MAD1L1: variants seen among roughly 807,000 people sequenced by gnomAD.
MAD1L1 encodes the protein mitotic arrest deficient 1 like 1, also known as mitotic spindle assembly checkpoint protein MAD1.
Under a neutral mutation model 96.9 loss-of-function variants are expected in MAD1L1, and 95 were observed. The ratio of observed to expected loss-of-function variants is 0.98; its 90% CI spans 0.83 to 1.16. The LOEUF is 1.16. Among genes scored for constraint, MAD1L1 ranks in the 50% most tolerant of loss-of-function variants. MAD1L1 has a pLI of 0.00. For synonymous variants in MAD1L1, 473 were observed against 396.6 expected (o/e 1.19, Z -2.29); for missense variants, 1,007 against 954.4 (o/e 1.06, Z -0.73).
intron 17 of MAD1L1, among the ~76,000 whole-genome samples, chr7:1,907,930 C>T (rs573847636): frequency 7.2e-5 from 11 of 152,284 alleles, no homozygotes; most frequent in Middle Eastern, 6.8e-3. Context: ...ACAGGGTGAC[C>T]GCCCTGGCCC....
At chr7:1,817,741 T>C (rs1254753069) in intron 18 of MAD1L1, among the ~76,000 whole-genome samples, 1 of 152,116 alleles carries the variant, frequency 6.6e-6, no homozygotes, top group Non-Finnish European at 1.5e-5. Context: ...GAAACCGTTT[T>C]GGAAAGCGCT....
intron 18 of MAD1L1, among the ~76,000 whole-genome samples, chr7:1,864,317 T>C (rs770750783): frequency 1.3e-5 from 2 of 152,082 alleles, no homozygotes; most frequent in East Asian, 1.9e-4. Context: ...ACTGGCTCCC[T>C]GCAGGGCAGA....
In MAD1L1 at chr7:2,215,884, C is replaced by T. The variant is rs371542675; in HGVS notation, c.924+1G>A. The T allele has an allele frequency of 3.7e-6, 6 of 1,614,150 alleles. No homozygotes were observed. The highest frequency in any genetic ancestry group is 5.1e-6 in the Non-Finnish European group (6 of 1,179,994). ...GAACCGCACACCACACAGGCCCTCA[C>T]CTCGTTCTCCAGCTCCAAGCCAACC... is the stretch of plus-strand genomic sequence containing the variant. On this transcript the variant is annotated splice_donor_variant, in intron 9 of 18. Transcript: ENST00000265854. LOFTEE classifies it high-confidence loss of function.
intron 12 of MAD1L1, among the ~76,000 whole-genome samples, chr7:2,056,287 G>A (rs142324337): frequency 2.2e-4 from 34 of 152,324 alleles, no homozygotes; most frequent in African/African-American, 7.0e-4. Flanking sequence ...AAGAGAAATC[G>A]TGCCGATCAT....
intron 14 of MAD1L1, among the ~76,000 whole-genome samples, chr7:1,989,766 T>C (rs945157339): frequency 7.2e-5 from 11 of 152,130 alleles, no homozygotes; most frequent in Non-Finnish European, 1.6e-4. Flanking sequence ...TGGCCCGGCT[T>C]CGGCATGGCC....
At chr7:1,914,296 C>G (rs1275503465) in intron 17 of MAD1L1, among the ~76,000 whole-genome samples, 3 of 152,236 alleles carry the variant, frequency 2.0e-5, no homozygotes, top group African/African-American at 7.2e-5. Context: ...TGGGAAGGGA[C>G]TCTGCAGATG....
intron 3 of MAD1L1, among the ~76,000 whole-genome samples, chr7:2,229,441 A>C (rs1488045524): frequency 1.3e-5 from 2 of 152,216 alleles, no homozygotes. Context: ...AACCCCAAGA[A>C]CTTGTAATGA....
chr7:2,016,088 G>C (rs1331306688), intron 12 of MAD1L1, among the ~76,000 whole-genome samples: 2 of 152,146 alleles, frequency 1.3e-5, no homozygotes, highest in Non-Finnish European at 2.9e-5. Flanking sequence ...AAATGGGGTG[G>C]CCATGAAGAC....
intron 13 of MAD1L1, among the ~76,000 whole-genome samples, chr7:2,014,284 C>A (rs1782431281): frequency 6.6e-6 from 1 of 152,212 alleles, no homozygotes; most frequent in Non-Finnish European, 1.5e-5. Flanking sequence ...ACCTGAGACA[C>A]CCTGACAGCG....
At chr7:2,074,136 G>A (rs530466866) in intron 11 of MAD1L1, among the ~76,000 whole-genome samples, 21 of 152,270 alleles carry the variant, frequency 1.4e-4, no homozygotes, top group African/African-American at 4.8e-4. Context: ...GGGTGAGGAC[G>A]GCCACATGCC....
intron 18 of MAD1L1, among the ~76,000 whole-genome samples, chr7:1,819,661 C>G (rs1303008334): frequency 6.6e-6 from 1 of 152,174 alleles, no homozygotes; most frequent in African/African-American, 2.4e-5. Context: ...TCCCCTGAGC[C>G]GAGCCCCATG....
In MAD1L1 at chr7:1,912,253, G is replaced by T. The variant is rs1645888945; in HGVS notation, c.1808-13863C>A. Among the ~76,000 whole-genome samples, 2 of 152,366 alleles carry T rather than the reference G, an allele frequency of 1.3e-5. 1 individual carries two copies. The highest frequency in any genetic ancestry group is 2.9e-5 in the Non-Finnish European group (2 of 68,040). On this transcript the variant is annotated intron_variant, in intron 17 of 18. Coordinates refer to ENST00000265854, the MANE Select transcript of MAD1L1 (RefSeq NM_001013836.2). ...GGCCAGCCCTGTCGACTGGATGAAG[G>T]ATGGCCATCTGAGAGACAGACAGCA...
chr7:2,014,594 T>A lies in MAD1L1; in HGVS notation c.1267A>T (p.Thr423Ser). The A allele has an allele frequency of 6.2e-7, 1 of 1,612,088 alleles. No homozygotes were observed. The highest frequency in any genetic ancestry group is 8.5e-7 in the Non-Finnish European group (1 of 1,179,668). ...AILGSYDSELTPAEYSPQLTR... is the reference protein window; with the variant it reads ...AILGSYDSELSPAEYSPQLTR... ...AGCTGGGGTGAGTACTCGGCCGGGG[T>A]CAGCTCGCTGTCGTAGGACCCCAGG... Residue 423 changes from threonine (T) to serine (S), a missense_variant, in exon 13 of 19, where the codon ACC becomes TCC. Transcript: ENST00000265854.
At chr7:2,190,151 A>G (rs1410167776) in intron 10 of MAD1L1, among the ~76,000 whole-genome samples, 5 of 152,250 alleles carry the variant, frequency 3.3e-5, no homozygotes, top group Admixed American at 2.0e-4. Context: ...ATGTTCTTTC[A>G]AAGAGTATTA....
chr7:1,952,570 G>T (rs879905430), intron 16 of MAD1L1, among the ~76,000 whole-genome samples: 2 of 58,438 alleles, frequency 3.4e-5, no homozygotes, highest in Non-Finnish European at 1.0e-4. Context: ...TTAGAGCAGC[G>T]CCTGGCACAG....
At chr7:2,155,182 G>C (rs892198343) in intron 10 of MAD1L1, among the ~76,000 whole-genome samples, 12 of 151,996 alleles carry the variant, frequency 7.9e-5, no homozygotes, top group African/African-American at 2.7e-4. Flanking sequence ...AGCAAAGGGG[G>C]GTCCTCAGGC....
rs975563555 is a variant in MAD1L1 at position 2,047,244 on chromosome 7, G to T, written c.1218+21950C>A. On this transcript the variant is annotated intron_variant, in intron 12 of 18. Transcript: ENST00000265854. ...GGAAAGGGACCCTGAGACACCGCTT[G>T]CTCTGAGCCGCAGCTGCGTAACAAG... 1.7e-4 allele frequency among the ~76,000 whole-genome samples: 26 copies of T among 152,314 alleles called. No homozygotes were observed. In the East Asian group the frequency reaches 4.8e-3, roughly 28 times the overall value.
At chr7:1,990,651 T>G (rs1397073025) in intron 14 of MAD1L1, among the ~76,000 whole-genome samples, 1 of 152,266 alleles carries the variant, frequency 6.6e-6, no homozygotes, top group Non-Finnish European at 1.5e-5. Flanking sequence ...CCAGAGCAGC[T>G]GTGCTTGGAG....
chr7:2,015,454 T>C lies in MAD1L1; in HGVS notation c.1219-812A>G, dbSNP rs897902798. On this transcript the variant is annotated intron_variant, in intron 12 of 18. Transcript: ENST00000265854. The stretch of plus-strand genomic sequence containing the variant: ...TGCTCAGTTGTGTCCTGCCAGCCAG[T>C]CAGGGGCCCCGGGAGCTGTGTGCTG... Among the ~76,000 whole-genome samples, 4 of 152,282 alleles carry C rather than the reference T, an allele frequency of 2.6e-5. No homozygotes were observed. The East Asian group carries it at 7.7e-4, about 29-fold the overall frequency.
Sources: gnomAD v4.1 joint callset for allele counts (sites outside exome capture counted in the v4.1 genomes callset) on GRCh38, gnomAD v4.1.1 for gene constraint, MANE v1.5 for transcripts, NCBI Gene and HGNC (gene_info 2026-07-23, HGNC 2026-07-21) for gene names.